Variants in ZNF777 observed in about 807,000 individuals in gnomAD.
ZNF777 encodes the protein zinc finger protein 777.
A neutral mutation model predicts 72.1 loss-of-function variants in ZNF777; 7 were observed. The observed-to-expected ratio is 0.10, with a 90% CI of 0.06 to 0.18. The LOEUF (loss-of-function observed/expected upper bound fraction) is 0.18, where lower values mean the gene tolerates loss of function less well. Ranked by LOEUF, ZNF777 falls within the 10% of genes least tolerant of loss-of-function variation. The probability of loss-of-function intolerance (pLI) is 1.00; values close to 1 mark genes in which losing one functional copy is unlikely to be tolerated. For missense variants in ZNF777, 828 were observed against 1,128.6 expected (o/e 0.73, Z 3.82); for synonymous variants, 545 against 483.5 (o/e 1.13, Z -1.67).
In ZNF777 at chr7:149,460,209, CG is replaced by C. The variant is rs1249905959; in HGVS notation, c.-16+605del. 11 of 610,562 alleles carry C rather than the reference CG, an allele frequency of 1.8e-5. No individual in the cohort carries two copies. The highest frequency in any genetic ancestry group is 2.0e-5 in the Non-Finnish European group (10 of 490,338). The allele number at this position is 610,562 out of a possible 1,614,324, so 37.8% of individuals were successfully genotyped here. On this transcript the variant is annotated intron_variant, in intron 1 of 5. Transcript: ENST00000247930. The surrounding 1 kb of genome is among the most constrained non-coding windows in gnomAD (Gnocchi z 6.1). Reference sequence around the variant, plus strand: ...GCCGCTACTGCCGCCGCCGCTACTGCGCGCGGCCCCACGCAGGCCCGGCCGC... The same window carrying C: ...GCCGCTACTGCCGCCGCCGCTACTGCCGCGGCCCCACGCAGGCCCGGCCGC...
At chr7:149,437,522 T>A (rs1799434205) in intron 4 of ZNF777, among the ~76,000 whole-genome samples, 1 of 152,244 alleles carries the variant, frequency 6.6e-6, no homozygotes, top group Non-Finnish European at 1.5e-5. Context: ...TAGCATCCTG[T>A]TACGCACTGC....
chr7:149,437,544 T>C (rs1225397654), intron 4 of ZNF777, among the ~76,000 whole-genome samples: 1 of 152,232 alleles, frequency 6.6e-6, no homozygotes, highest in Non-Finnish European at 1.5e-5. Flanking sequence ...CTGAAATTTG[T>C]TTCTAAACTT....
Position 149,455,989 on chromosome 7 carries a change from G to C in ZNF777, c.34C>G (p.Pro12Ala). 6.2e-7 allele frequency: 1 copy of C among 1,606,334 alleles called. No homozygotes were observed. Among genetic ancestry groups the C allele is most frequent in the Non-Finnish European group, 8.5e-7 (1 of 1,175,952 alleles). ...AAGGTTTCTTCTTGTGGAACACTGGGGAACGACAGAGGTGATGAGCGTTGG... is the reference window on the plus strand; with the variant it reads ...AAGGTTTCTTCTTGTGGAACACTGGCGAACGACAGAGGTGATGAGCGTTGG... ...ENQRSSPLSF[P>A]SVPQEETLRQ... is the part of the protein sequence containing the mutation. The change falls in exon 2 of 6, where the codon CCC becomes GCC. Residue 12 changes from proline (P) to alanine (A), a missense_variant. This residue lies in a region of ZNF777 where 222 missense variants were observed against 211.2 expected (regional missense o/e 1.05). Coordinates refer to ENST00000247930, the MANE Select transcript of ZNF777 (RefSeq NM_015694.3). This position sits in a 1 kb window ranked among gnomAD's most constrained non-coding sequence, Gnocchi z 4.2.
intron 5 of ZNF777, among the ~76,000 whole-genome samples, chr7:149,434,609 G>A (rs912237213): frequency 6.6e-6 from 1 of 152,170 alleles, no homozygotes; most frequent in Non-Finnish European, 1.5e-5. Flanking sequence ...TTGAGACTGA[G>A]TCTGGCTCTA....
chr7:149,444,669 T>A (rs1299691819), intron 4 of ZNF777, among the ~76,000 whole-genome samples: 1 of 152,234 alleles, frequency 6.6e-6, no homozygotes, highest in Non-Finnish European at 1.5e-5. Context: ...GAATTATAAG[T>A]TGGAAAATAT....
chr7:149,447,494 G>A (rs981714171), intron 4 of ZNF777, among the ~76,000 whole-genome samples: 1 of 152,094 alleles, frequency 6.6e-6, no homozygotes, highest in Admixed American at 6.6e-5. Flanking sequence ...AGAGGCCTGG[G>A]GGCCACCCTT....
At chr7:149,450,952 C>G in intron 4 of ZNF777, 47 bp downstream of exon 4, 1 of 1,542,550 alleles carries the variant, frequency 6.5e-7, no homozygotes, top group Non-Finnish European at 8.9e-7. Flanking sequence ...TTCCTGAGTA[C>G]TGAAAGATCT....
Position 149,445,646 on chromosome 7 carries a change from C to T in ZNF777, c.1087+5353G>A, listed in dbSNP as rs562118609. On this transcript the variant is annotated intron_variant, in intron 4 of 5. Coordinates refer to ENST00000247930, the MANE Select transcript of ZNF777 (RefSeq NM_015694.3). ...AAGGCTGGAGGTCTCAACATCTGCACGTCAAGTCTCCTTCTTCCCGTTTTC... is the reference window on the plus strand; with the variant it reads ...AAGGCTGGAGGTCTCAACATCTGCATGTCAAGTCTCCTTCTTCCCGTTTTC... Among the ~76,000 whole-genome samples the T allele has an allele frequency of 1.2e-4, 19 of 152,238 alleles. No homozygotes were observed. The South Asian group carries it at 1.7e-3, about 13-fold the overall frequency.
In ZNF777 at chr7:149,446,973, A is replaced by G. The variant is rs78889934; in HGVS notation, c.1087+4026T>C. Among the ~76,000 whole-genome samples the G allele has an allele frequency of 2.3e-3, 348 of 152,316 alleles. 3 individuals carry two copies. Among genetic ancestry groups the G allele is most frequent in the African/African-American group, 8.0e-3 (332 of 41,562 alleles). The stretch of plus-strand genomic sequence containing the variant: ...GTTGGGCATACTCTCTCCTTCTGGA[A>G]GCATCCTTCTCTAGAAATACCCAAC... On this transcript the variant is annotated intron_variant, in intron 4 of 5. Transcript: ENST00000247930.
intron 4 of ZNF777, among the ~76,000 whole-genome samples, chr7:149,440,670 T>G (rs1799497819): frequency 2.0e-5 from 2 of 98,054 alleles, no homozygotes; most frequent in East Asian, 3.1e-4. Flanking sequence ...CTGTTGTTTT[T>G]TTGTTTTTTT....
rs2116615391 is a variant in ZNF777, at chr7:149,460,094, G to C, written c.-16+721C>G. On this transcript the variant is annotated intron_variant, in intron 1 of 5. Transcript: ENST00000247930. The surrounding 1 kb of genome is among the most constrained non-coding windows in gnomAD (Gnocchi z 6.1). ...GCCGTCCCCGGGGCCCCGAGGCCGC[G>C]CGTCCGTGCGCGCGCGGGCCGCCCT... is the stretch of plus-strand genomic sequence containing the variant. The C allele has an allele frequency of 1.0e-6, 1 of 980,828 alleles. No individual in the cohort carries two copies. Among genetic ancestry groups the C allele is most frequent in the Non-Finnish European group, 1.2e-6 (1 of 828,212 alleles). 60.8% of individuals were successfully genotyped at this position (980,828 alleles called of 1,614,324 possible). A position where few individuals can be genotyped will look rare whatever the true frequency, so the allele number is the denominator to read the frequency against.
In ZNF777 at chr7:149,460,557, G is replaced by A. The variant is rs1380753062; in HGVS notation, c.-16+258C>T. 6.6e-6 allele frequency among the ~76,000 whole-genome samples: 1 copy of A among 151,862 alleles called. No homozygotes were observed. The highest frequency in any genetic ancestry group is 1.9e-4 in the East Asian group (1 of 5,188). Reference sequence around the variant, plus strand: ...GTCCCGGCGCCTCTTTAGCAGGGGAGCTGCACAGCAGCTGCCATGTTGCTA... The same window carrying A: ...GTCCCGGCGCCTCTTTAGCAGGGGAACTGCACAGCAGCTGCCATGTTGCTA... On this transcript the variant is annotated intron_variant, in intron 1 of 5. Coordinates refer to ENST00000247930, the MANE Select transcript of ZNF777 (RefSeq NM_015694.3). The surrounding 1 kb of genome is among the most constrained non-coding windows in gnomAD (Gnocchi z 6.1).
chr7:149,448,734 C>A (rs1049491949), intron 4 of ZNF777, among the ~76,000 whole-genome samples: 2 of 151,586 alleles, frequency 1.3e-5, no homozygotes, highest in African/African-American at 4.9e-5. Flanking sequence ...CCTTCTGGTT[C>A]GCTTTACTCT....
intron 3 of ZNF777, among the ~76,000 whole-genome samples, chr7:149,453,156 G>A (rs1253540030): frequency 6.6e-6 from 1 of 152,200 alleles, no homozygotes; most frequent in Non-Finnish European, 1.5e-5. Context: ...AGATGAGAGA[G>A]AACACAGGCC....
intron 4 of ZNF777, among the ~76,000 whole-genome samples, chr7:149,447,694 C>T (rs780616944): frequency 9.2e-5 from 14 of 152,200 alleles, no homozygotes; most frequent in East Asian, 1.9e-4. Context: ...GAGTTCTCTA[C>T]GGAGCAACCA....
In ZNF777 at chr7:149,455,354, G is replaced by A. The variant is rs377117027; in HGVS notation, c.669C>T (p.Cys223=). 2.0e-5 allele frequency: 32 copies of A among 1,614,164 alleles called. No homozygotes were observed. Among genetic ancestry groups the A allele is most frequent in the African/African-American group, 6.7e-5 (5 of 75,048 alleles). The change falls in exon 2 of 6, where the codon TGC becomes TGT. Residue 223 remains cysteine, a synonymous_variant. Transcript: ENST00000247930. The surrounding 1 kb of genome is among the most constrained non-coding windows in gnomAD (Gnocchi z 4.2). ...TGTNEKKIAD[C]EKTAVEFANH... is the part of the protein sequence containing the mutation. ...TCGCGAACTCCACGGCTGTCTTCTC[G>A]CAGTCGGCTATCTTCTTTTCATTTG... is the stretch of plus-strand genomic sequence containing the variant.
chr7:149,445,366 C>T (rs1293926956), intron 4 of ZNF777, among the ~76,000 whole-genome samples: 1 of 152,062 alleles, frequency 6.6e-6, no homozygotes, highest in Non-Finnish European at 1.5e-5. Flanking sequence ...AGAGTTTTCC[C>T]AAATGTCTTC....
intron 1 of ZNF777, among the ~76,000 whole-genome samples, chr7:149,456,366 C>A (rs1263847270): frequency 6.6e-6 from 1 of 152,104 alleles, no homozygotes; most frequent in Non-Finnish European, 1.5e-5. Flanking sequence ...GCTTTTGGCC[C>A]TGTCTACACC....
rs755555101 is a variant in ZNF777 at position 149,454,155 on chromosome 7, T to C, written c.929A>G (p.Tyr310Cys). ...GTAGTTGCCCCTCATCACGTTCTTG[T>C]AGAGCTCCTTCTGCCACTCAGACAG... ...GNLSEWQKEL[Y>C]KNVMRGNYES... Residue 310 changes from tyrosine to cysteine, a missense_variant, in exon 3 of 6, where the codon TAC becomes TGC. Tyr to Cys is a radical substitution (Grantham distance 194, BLOSUM62 -2). Around this residue, in one of 12 missense-constraint regions of ZNF777, gnomAD observed 73 missense variants for 90.6 expected, o/e 0.81. Transcript: ENST00000247930. The C allele has an allele frequency of 6.2e-7, 1 of 1,614,222 alleles. No homozygotes were observed. Among genetic ancestry groups the C allele is most frequent in the Non-Finnish European group, 8.5e-7 (1 of 1,180,036 alleles).
Sources: allele counts gnomAD v4.1 joint callset (sites outside exome capture counted in the v4.1 genomes callset), GRCh38; gene constraint gnomAD v4.1.1; regional missense constraint gnomAD v4.1.1; non-coding constraint Gnocchi (gnomAD v3.1); transcripts MANE v1.5; gene names NCBI Gene and HGNC (gene_info 2026-07-23, HGNC 2026-07-21).